Variants in BTC observed in about 807,000 individuals in gnomAD.
BTC encodes the protein betacellulin.
Under a neutral mutation model 18.1 loss-of-function variants are expected in BTC, and 13 were observed. The ratio of observed to expected loss-of-function variants is 0.72; its 90% CI spans 0.47 to 1.14. The LOEUF (loss-of-function observed/expected upper bound fraction) is 1.14. Among genes scored for constraint, BTC ranks in the 50% most tolerant of loss-of-function variants. The pLI, the probability that BTC is intolerant of heterozygous loss-of-function variation, is 0.00. For missense variants in BTC, 247 were observed against 224.2 expected (o/e 1.10, Z -0.65); for synonymous variants, 83 against 79.4 (o/e 1.05, Z -0.24).
At chr4:74,793,167 C>G (rs972585256) in intron 1 of BTC, among the ~76,000 whole-genome samples, 1 of 152,234 alleles carries the variant, frequency 6.6e-6, no homozygotes, top group Non-Finnish European at 1.5e-5. Context: ...CACTCTACCA[C>G]TAAATTGTTA....
intron 2 of BTC, among the ~76,000 whole-genome samples, chr4:74,757,561 C>A (rs1013564600): frequency 6.6e-6 from 1 of 152,158 alleles, no homozygotes; most frequent in African/African-American, 2.4e-5. Context: ...AACTTCCATT[C>A]GTTGAGTGTT....
chr4:74,782,893 A>G (rs1179684419), intron 1 of BTC, among the ~76,000 whole-genome samples: 2 of 152,110 alleles, frequency 1.3e-5, no homozygotes, highest in Non-Finnish European at 2.9e-5. Context: ...GGCCACGTGT[A>G]TGTCTTTCGA....
rs1351195637 is a variant in BTC, at chr4:74,745,474, A to G, written c.*1203T>C. On this transcript the variant is annotated 3_prime_UTR_variant, in exon 6 of 6. Coordinates refer to ENST00000395743, the MANE Select transcript of BTC (RefSeq NM_001729.4). The stretch of plus-strand genomic sequence containing the variant: ...TAAGTGAACCACGTAATCAATGTAA[A>G]AAGTTAAATATTCTATGAAATATTC... 6.6e-6 allele frequency: 1 copy of G among 152,220 alleles called. No individual in the cohort carries two copies. Among genetic ancestry groups the G allele is most frequent in the Non-Finnish European group, 1.5e-5 (1 of 68,032 alleles). The allele number at this position is 152,220 out of a possible 1,614,324, so 9.4% of individuals were successfully genotyped here. A position where few individuals can be genotyped will look rare whatever the true frequency, so the allele number is the denominator to read the frequency against.
chr4:74,794,396 C>A lies in BTC; in HGVS notation c.-71G>T. 1 of 1,431,810 alleles carries A rather than the reference C, an allele frequency of 7.0e-7. No homozygotes were observed. Among genetic ancestry groups the A allele is most frequent in the South Asian group, 1.4e-5 (1 of 70,714 alleles). 88.7% of individuals were successfully genotyped at this position (1,431,810 alleles called of 1,614,324 possible). ...CCTTCTTCGCCCCCTTCCCGGGCCTCGGGCGCCTGAGAGGGTGCCTGGAAA... is the reference window on the plus strand; with the variant it reads ...CCTTCTTCGCCCCCTTCCCGGGCCTAGGGCGCCTGAGAGGGTGCCTGGAAA... On this transcript the variant is annotated 5_prime_UTR_variant, in exon 1 of 6. Coordinates refer to ENST00000395743, the MANE Select transcript of BTC (RefSeq NM_001729.4).
intron 2 of BTC, among the ~76,000 whole-genome samples, chr4:74,767,940 G>A (rs1200163248): frequency 2.0e-5 from 3 of 152,052 alleles, no homozygotes; most frequent in Admixed American, 6.6e-5. Context: ...GCAAGAAAAC[G>A]TAAGATAACA....
chr4:74,790,629 G>A (rs1048624567), intron 1 of BTC, among the ~76,000 whole-genome samples: 1 of 152,186 alleles, frequency 6.6e-6, no homozygotes, highest in African/African-American at 2.4e-5. Context: ...AGGTGTTGGT[G>A]CACTAAGCAG....
At chr4:74,780,885 A>G (rs2109912417) in intron 1 of BTC, among the ~76,000 whole-genome samples, 1 of 139,784 alleles carries the variant, frequency 7.2e-6, no homozygotes, top group Non-Finnish European at 1.5e-5. Flanking sequence ...AGGGAAGTCT[A>G]CTGAGAGTTT....
intron 1 of BTC, among the ~76,000 whole-genome samples, chr4:74,794,034 G>C (rs967212701): frequency 3.9e-5 from 6 of 152,124 alleles, no homozygotes; most frequent in African/African-American, 1.4e-4. Flanking sequence ...TTCCGCCCTC[G>C]GGCCTTCTCA....
At chr4:74,783,572 TG>T (rs2109915681) in intron 1 of BTC, among the ~76,000 whole-genome samples, 1 of 141,914 alleles carries the variant, frequency 7.0e-6, no homozygotes, top group African/African-American at 2.7e-5. Context: ...GGGAATGTGC[TG>T]GGGCTATTCG....
chr4:74,757,938 A>C (rs1724646109), intron 2 of BTC, among the ~76,000 whole-genome samples: 1 of 152,256 alleles, frequency 6.6e-6, no homozygotes, highest in South Asian at 2.1e-4. Context: ...AGTTCATAGC[A>C]GAATTCCTGG....
At chr4:74,749,619 C>A (rs1036789413) in intron 4 of BTC, among the ~76,000 whole-genome samples, 11 of 149,984 alleles carry the variant, frequency 7.3e-5, no homozygotes, top group Non-Finnish European at 1.3e-4. Flanking sequence ...AGGGTAGATG[C>A]AAGAGTTTAG....
At position 74,748,147 on chromosome 4, in the gene BTC, G is replaced by C; in HGVS notation, c.431C>G (p.Pro144Arg). Residue 144 changes from proline (P) to arginine (R), a missense_variant and splice_region_variant, in exon 5 of 6, where the codon CCT becomes CGT. By Grantham distance (103) the Pro-to-Arg change is moderately radical (BLOSUM62 -2). Transcript: ENST00000395743. ...LVIGVCTCCH[P>R]LRKRRKRKKK... ...CTTTCTTTTACGACGTTTCCGAAGA[G>C]GGCTTGGAAAATACGTGTTAGAAGT... The C allele has an allele frequency of 1.3e-6, 2 of 1,599,688 alleles. No individual in the cohort carries two copies. The highest frequency in any genetic ancestry group is 1.7e-6 in the Non-Finnish European group (2 of 1,173,236).
At chr4:74,751,938 A>G (rs1286310387) in intron 3 of BTC, among the ~76,000 whole-genome samples, 1 of 152,206 alleles carries the variant, frequency 6.6e-6, no homozygotes, top group African/African-American at 2.4e-5. Context: ...TCAAAGGTCA[A>G]AAAGATTAAA....
intron 5 of BTC, among the ~76,000 whole-genome samples, chr4:74,747,179 T>C (rs1302181204): frequency 2.0e-5 from 3 of 152,230 alleles, no homozygotes; most frequent in Non-Finnish European, 4.4e-5. Flanking sequence ...TATCCTGCTT[T>C]GTTGTGCTAG....
At chr4:74,772,957 T>C (rs1428734830) in intron 1 of BTC, among the ~76,000 whole-genome samples, 1 of 152,166 alleles carries the variant, frequency 6.6e-6, no homozygotes, top group Non-Finnish European at 1.5e-5. Flanking sequence ...AAGCTTTGTT[T>C]CACATGCTGG....
At chr4:74,764,628 C>G (rs764514439) in intron 2 of BTC, among the ~76,000 whole-genome samples, 1 of 152,014 alleles carries the variant, frequency 6.6e-6, no homozygotes, top group African/African-American at 2.4e-5. Flanking sequence ...TTATATACAC[C>G]ATGAAATACT....
chr4:74,781,588 G>A (rs908357701), intron 1 of BTC, among the ~76,000 whole-genome samples: 1 of 151,798 alleles, frequency 6.6e-6, no homozygotes, highest in African/African-American at 2.4e-5. Flanking sequence ...CACCCCCATT[G>A]TTGGCTTCCT....
intron 1 of BTC, among the ~76,000 whole-genome samples, chr4:74,791,005 T>G (rs1014486533): frequency 1.3e-5 from 2 of 152,204 alleles, no homozygotes; most frequent in Admixed American, 1.3e-4. Context: ...TCCTGTTATA[T>G]GCAACGCAAC....
At chr4:74,773,300 AC>A (rs1324705581) in intron 1 of BTC, among the ~76,000 whole-genome samples, 1 of 152,078 alleles carries the variant, frequency 6.6e-6, no homozygotes, top group Admixed American at 6.6e-5. Context: ...GAAGCAGGTG[AC>A]CCCTTTAAGT....
Sources: gnomAD v4.1 joint callset for allele counts (sites outside exome capture counted in the v4.1 genomes callset) on GRCh38, gnomAD v4.1.1 for gene constraint, MANE v1.5 for transcripts, NCBI Gene and HGNC (gene_info 2026-07-23, HGNC 2026-07-21) for gene names.